Variants in EYA2 observed in about 807,000 individuals in gnomAD.
The protein encoded by EYA2 is protein phosphatase EYA2.
A neutral mutation model predicts 69.2 loss-of-function variants in EYA2; 31 were observed. That is an observed-to-expected ratio of 0.45 (90% CI 0.34 to 0.60). The LOEUF (loss-of-function observed/expected upper bound fraction) is 0.60. Ranked by LOEUF, EYA2 falls within the 20% of genes least tolerant of loss-of-function variation. The pLI is 0.02. For synonymous variants in EYA2, 257 were observed against 279.4 expected (o/e 0.92, Z 0.80); for missense variants, 622 against 701.2 (o/e 0.89, Z 1.28).
At chr20:46,918,470 G>T (rs1007920617) in intron 1 of EYA2, among the ~76,000 whole-genome samples, 5 of 152,042 alleles carry the variant, frequency 3.3e-5, no homozygotes, top group African/African-American at 1.2e-4. Context: ...CACCACGCCC[G>T]GCTATTTTTT....
chr20:47,035,720 A>C (rs1382431613), intron 5 of EYA2, among the ~76,000 whole-genome samples: 24 of 152,272 alleles, frequency 1.6e-4, no homozygotes, highest in Non-Finnish European at 7.4e-5. Context: ...TGATCATAAA[A>C]ATAGCTAATA....
chr20:47,183,226 C>A (rs892204657), intron 14 of EYA2, 65 bp from the exon 15 acceptor site: 4 of 1,462,210 alleles, frequency 2.7e-6, no homozygotes, highest in African/African-American at 2.8e-5. Flanking sequence ...TCTTAATGAG[C>A]GGGTATTGGC....
At position 46,965,208 on chromosome 20, in the gene EYA2, C is replaced by A. The variant is rs115016893; in HGVS notation, c.-10-24793C>A. ...TGAACCCTAAGCATGAGCCATTGAT[C>A]CCACTGCTCAAGGTCATACAGGAAT... On this transcript the variant is annotated intron_variant, in intron 1 of 15. Coordinates refer to ENST00000327619, the MANE Select transcript of EYA2 (RefSeq NM_005244.5). Among the ~76,000 whole-genome samples, 475 of 152,322 alleles carry A rather than the reference C, an allele frequency of 3.1e-3. 4 individuals carry two copies. Among genetic ancestry groups the A allele is most frequent in the African/African-American group, 0.011 (453 of 41,574 alleles).
intron 2 of EYA2, among the ~76,000 whole-genome samples, chr20:46,993,027 CAG>C (rs112644263): frequency 0.016 from 2,464 of 152,226 alleles, 54 homozygotes; most frequent in African/African-American, 0.055. Context: ...GACCTGCACT[CAG>C]GGGGATTCTG....
chr20:47,115,363 T>C (rs1409849283), intron 9 of EYA2, among the ~76,000 whole-genome samples: 2 of 152,200 alleles, frequency 1.3e-5, no homozygotes, highest in Non-Finnish European at 2.9e-5. Flanking sequence ...TTCCCAACTG[T>C]CTGGGCCTCT....
chr20:46,987,964 CTATATATATATA>C (rs71183225), intron 1 of EYA2, among the ~76,000 whole-genome samples: 18 of 11,284 alleles, frequency 1.6e-3, no homozygotes, highest in South Asian at 0.014. Context: ...CTCTCTCTCT[CTATATATATATA>C]TATATATATA....
chr20:47,125,873 T>C (rs1356636701), intron 9 of EYA2, among the ~76,000 whole-genome samples: 2 of 150,358 alleles, frequency 1.3e-5, no homozygotes, highest in Non-Finnish European at 1.5e-5. Flanking sequence ...GTGTTTTGTG[T>C]GTTTGTGTGT....
At chr20:47,131,581 G>C (rs79967227) in intron 9 of EYA2, among the ~76,000 whole-genome samples, 3,382 of 152,268 alleles carry the variant, frequency 0.022, 118 homozygotes, top group East Asian at 0.09. Context: ...AATGTAATCA[G>C]AAGGGTTTTT....
At chr20:47,123,356 A>G (rs1337297271) in intron 9 of EYA2, among the ~76,000 whole-genome samples, 1 of 152,120 alleles carries the variant, frequency 6.6e-6, no homozygotes, top group Non-Finnish European at 1.5e-5. Context: ...TTATTAAAAT[A>G]TTGTCATGAG....
At chr20:46,945,741 A>G (rs1189992421) in intron 1 of EYA2, among the ~76,000 whole-genome samples, 1 of 152,222 alleles carries the variant, frequency 6.6e-6, no homozygotes, top group Non-Finnish European at 1.5e-5. Context: ...GGAATGCATC[A>G]TTGCTCCTAT....
At chr20:47,179,636 T>C (rs1393963322) in intron 12 of EYA2, among the ~76,000 whole-genome samples, 162 bp from the exon 13 acceptor site, 1 of 152,184 alleles carries the variant, frequency 6.6e-6, no homozygotes, top group East Asian at 1.9e-4. Context: ...ATCAATCTGT[T>C]GATCTCAGGA....
chr20:47,030,254 G>T (rs1355534615), intron 5 of EYA2, among the ~76,000 whole-genome samples: 1 of 152,236 alleles, frequency 6.6e-6, no homozygotes. Context: ...CAGAATGTCT[G>T]CACCTCTGTC....
chr20:47,054,958 C>T (rs1381852674), intron 5 of EYA2, among the ~76,000 whole-genome samples: 1 of 152,178 alleles, frequency 6.6e-6, no homozygotes, highest in Admixed American at 6.5e-5. Context: ...GATTTGGTTC[C>T]TCTTTCTGTC....
chr20:47,030,806 G>A (rs1210043237), intron 5 of EYA2, among the ~76,000 whole-genome samples: 1 of 152,150 alleles, frequency 6.6e-6, no homozygotes, highest in African/African-American at 2.4e-5. Context: ...AGCCCAGACT[G>A]TAGTGCAGTG....
intron 1 of EYA2, among the ~76,000 whole-genome samples, chr20:46,957,529 T>A (rs1979202195): frequency 1.0e-4 from 2 of 20,000 alleles, no homozygotes; most frequent in South Asian, 1.0e-3. Flanking sequence ...GAAGGAGATT[T>A]CACACACACA....
At chr20:47,070,526 A>G (rs951123748) in intron 5 of EYA2, among the ~76,000 whole-genome samples, 9 of 152,370 alleles carry the variant, frequency 5.9e-5, no homozygotes, top group Non-Finnish European at 8.8e-5. Flanking sequence ...CAACTCTGTA[A>G]TTCTACTCTT....
chr20:47,047,181 C>T lies in EYA2; in HGVS notation c.416-25004C>T, dbSNP rs568798690. 2.0e-5 allele frequency among the ~76,000 whole-genome samples: 3 copies of T among 152,282 alleles called. No individual in the cohort carries two copies. In the East Asian group the frequency reaches 5.8e-4, roughly 29 times the overall value. Reference sequence around the variant, plus strand: ...GGGGGCTGTGTCTTATTCCCCTCTGCATCCCTCAGTGAGTAATTCTGGGCC... The same window carrying T: ...GGGGGCTGTGTCTTATTCCCCTCTGTATCCCTCAGTGAGTAATTCTGGGCC... On this transcript the variant is annotated intron_variant, in intron 5 of 15. Coordinates refer to ENST00000327619, the MANE Select transcript of EYA2 (RefSeq NM_005244.5).
intron 9 of EYA2, among the ~76,000 whole-genome samples, chr20:47,116,280 C>T (rs1415524229): frequency 6.8e-6 from 1 of 146,482 alleles, no homozygotes; most frequent in African/African-American, 2.5e-5. Flanking sequence ...CTAGTTCAAG[C>T]GATTCTCCTG....
At chr20:47,136,201 G>A (rs941425059) in intron 9 of EYA2, among the ~76,000 whole-genome samples, 1 of 152,160 alleles carries the variant, frequency 6.6e-6, no homozygotes, top group Non-Finnish European at 1.5e-5. Context: ...GCATAAATTG[G>A]AGAGCTGATA....
Sources: gnomAD v4.1 joint callset for allele counts (sites outside exome capture counted in the v4.1 genomes callset) on GRCh38, gnomAD v4.1.1 for gene constraint, MANE v1.5 for transcripts, NCBI Gene and HGNC (gene_info 2026-07-23, HGNC 2026-07-21) for gene names.